The following IL1RAPL1 variants were observed in gnomAD, a reference collection of about 807,000 sequenced individuals.
IL1RAPL1 encodes interleukin-1 receptor accessory protein-like 1.
A neutral mutation model predicts 48.4 loss-of-function variants in IL1RAPL1; 3 were observed. The observed-to-expected ratio is 0.06, with a 90% confidence interval of 0.03 to 0.16. The LOEUF (loss-of-function observed/expected upper bound fraction) is 0.16. IL1RAPL1 is among the 10% of genes least tolerant of loss of function. The pLI, the probability that IL1RAPL1 is intolerant of heterozygous loss-of-function variation, is 1.00. For missense variants in IL1RAPL1, 349 were observed against 530.6 expected (o/e 0.66, Z 3.36); for synonymous variants, 185 against 187.7 (o/e 0.99, Z 0.12).
intron 2 of IL1RAPL1, among the ~76,000 whole-genome samples, chrX:29,054,407 C>T (rs1255529491): frequency 9.0e-6 from 1 of 111,218 alleles, no homozygotes; most frequent in African/African-American, 3.3e-5. Context: ...CCCACTTACC[C>T]CTCAGTCTCC....
chrX:29,945,068 CTT>C (rs1933192354), intron 9 of IL1RAPL1, among the ~76,000 whole-genome samples: 1 of 111,709 alleles, frequency 9.0e-6, no homozygotes, highest in Admixed American at 9.5e-5. Flanking sequence ...CCCTGGGAAA[CTT>C]GACACAAATC....
intron 2 of IL1RAPL1, among the ~76,000 whole-genome samples, chrX:28,961,285 T>A (rs1924770072): frequency 9.0e-6 from 1 of 111,216 alleles, no homozygotes; most frequent in South Asian, 3.8e-4. Context: ...TAAGGACAAC[T>A]GTAAATGACG....
chrX:28,724,674 C>T (rs866958154), intron 1 of IL1RAPL1, among the ~76,000 whole-genome samples: 38 of 111,028 alleles, frequency 3.4e-4, no homozygotes, highest in African/African-American at 9.5e-4. Context: ...TTAGTGGGTG[C>T]GGTTTCTTCC....
At chrX:29,285,504 A>G (rs1368301300) in intron 3 of IL1RAPL1, among the ~76,000 whole-genome samples, 3 of 94,761 alleles carry the variant, frequency 3.2e-5, no homozygotes, top group African/African-American at 1.2e-4. Flanking sequence ...TGCACTGGCA[A>G]CAAGAGCCAA....
chrX:29,783,043 T>C (rs1929393351), intron 6 of IL1RAPL1, among the ~76,000 whole-genome samples: 2 of 105,418 alleles, frequency 1.9e-5, no homozygotes, highest in East Asian at 2.9e-4. Context: ...TAGCTGGGAC[T>C]ACAGGCGCCT....
chrX:29,481,334 C>A (rs375012940), intron 5 of IL1RAPL1, among the ~76,000 whole-genome samples: 23 of 112,702 alleles, frequency 2.0e-4, no homozygotes, highest in East Asian at 1.4e-3. Context: ...GGCCAACAAA[C>A]CTTCAGTCAT....
At chrX:29,310,093 C>CAAAAAAAAAA (rs57210050) in intron 3 of IL1RAPL1, among the ~76,000 whole-genome samples, 11 of 23,739 alleles carry the variant, frequency 4.6e-4, no homozygotes, top group Non-Finnish European at 5.8e-4. Context: ...GACTCCGTCT[C>CAAAAAAAAAA]AAAAAAAAAA....
intron 5 of IL1RAPL1, among the ~76,000 whole-genome samples, chrX:29,407,109 C>T (rs1235066821): frequency 9.0e-5 from 10 of 110,761 alleles, no homozygotes. Flanking sequence ...CATATATAAC[C>T]AAAAAGTGTA....
chrX:28,696,409 G>T (rs1406271396), intron 1 of IL1RAPL1, among the ~76,000 whole-genome samples: 1 of 111,492 alleles, frequency 9.0e-6, no homozygotes, highest in African/African-American at 3.3e-5. Context: ...ATGAGTCATA[G>T]ATAAGTTGTT....
intron 3 of IL1RAPL1, 31 bp from the exon 4 acceptor site, chrX:29,396,227 A>G (rs1379348884): frequency 4.4e-6 from 5 of 1,137,749 alleles, no homozygotes; most frequent in Non-Finnish European, 6.0e-6. Flanking sequence ...TGTTCACACC[A>G]GGTCACTGTA....
intron 2 of IL1RAPL1, among the ~76,000 whole-genome samples, chrX:29,137,672 CTA>C (rs1490735007): frequency 5.4e-5 from 6 of 112,107 alleles, no homozygotes; most frequent in Non-Finnish European, 1.1e-4. Flanking sequence ...CTTTAAATGT[CTA>C]TTTCACTTGA....
At chrX:29,071,707 T>C (rs1190761105) in intron 2 of IL1RAPL1, among the ~76,000 whole-genome samples, 4 of 111,423 alleles carry the variant, frequency 3.6e-5, no homozygotes, top group Non-Finnish European at 7.5e-5. Context: ...ACGCCCCTTT[T>C]CTTCCTTTAT....
chrX:29,351,638 T>C (rs902768192), intron 3 of IL1RAPL1, among the ~76,000 whole-genome samples: 1 of 112,323 alleles, frequency 8.9e-6, no homozygotes, highest in Non-Finnish European at 1.9e-5. Flanking sequence ...ATGTACATGG[T>C]AAGCCTTCTA....
At chrX:28,893,667 A>C in intron 2 of IL1RAPL1, among the ~76,000 whole-genome samples, 1 of 111,563 alleles carries the variant, frequency 9.0e-6, no homozygotes, top group African/African-American at 3.3e-5. Context: ...GAGAAGTAGT[A>C]GAATAGCAGA....
intron 1 of IL1RAPL1, among the ~76,000 whole-genome samples, chrX:28,779,603 C>G (rs1936395246): frequency 1.2e-5 from 1 of 82,643 alleles, no homozygotes; most frequent in Non-Finnish European, 2.3e-5. Context: ...TTATCAGGTA[C>G]AGAGTGATAC....
chrX:29,053,239 C>T (rs910946335), intron 2 of IL1RAPL1, among the ~76,000 whole-genome samples: 10 of 111,863 alleles, frequency 8.9e-5, no homozygotes, highest in Admixed American at 1.9e-4. Flanking sequence ...TAGTATTCCA[C>T]GTTGTATAAG....
chrX:28,963,626 G>A (rs764342837), intron 2 of IL1RAPL1, among the ~76,000 whole-genome samples: 34 of 110,878 alleles, frequency 3.1e-4, no homozygotes, highest in Non-Finnish European at 5.5e-4. Flanking sequence ...CTGGAACACC[G>A]AGGATCCTTA....
intron 6 of IL1RAPL1, among the ~76,000 whole-genome samples, chrX:29,700,515 A>G (rs1277932302): frequency 8.9e-6 from 1 of 112,071 alleles, no homozygotes; most frequent in Non-Finnish European, 1.9e-5. Context: ...TGAAGGTGTC[A>G]TGAAATGTCA....
At chrX:29,609,516 T>C (rs1339190400) in intron 5 of IL1RAPL1, among the ~76,000 whole-genome samples, 1 of 111,891 alleles carries the variant, frequency 8.9e-6, no homozygotes, top group African/African-American at 3.3e-5. Context: ...GTGTCTTGGC[T>C]CAAGTACCAT....
Sources: allele counts gnomAD v4.1 joint callset (sites outside exome capture counted in the v4.1 genomes callset), GRCh38; gene constraint gnomAD v4.1.1; transcripts MANE v1.5; gene names NCBI Gene and HGNC (gene_info 2026-07-23, HGNC 2026-07-21).